CHRNA7: variants seen among roughly 807,000 people sequenced by gnomAD.
CHRNA7 encodes neuronal acetylcholine receptor subunit alpha-7.
Under a neutral mutation model 48.0 loss-of-function variants are expected in CHRNA7, and 17 were observed. The observed-to-expected ratio is 0.35, with a 90% CI of 0.24 to 0.53. The LOEUF (loss-of-function observed/expected upper bound fraction) is 0.53. CHRNA7 is among the 20% of genes least tolerant of loss of function. The probability of loss-of-function intolerance (pLI) is 0.92; values close to 1 mark genes in which losing one functional copy is unlikely to be tolerated. For synonymous variants in CHRNA7, 75 were observed against 242.3 expected (o/e 0.31, Z 6.41); for missense variants, 155 against 577.7 (o/e 0.27, Z 7.50).
intron 2 of CHRNA7, among the ~76,000 whole-genome samples, chr15:32,037,181 A>AAGATGAT (rs1566792942): frequency 1.3e-5 from 2 of 152,298 alleles, no homozygotes; most frequent in South Asian, 2.1e-4. Flanking sequence ...ATTTGTTGAA[A>AAGATGAT]AGATGATCTT....
chr15:32,097,068 C>T (rs376087687), intron 2 of CHRNA7, among the ~76,000 whole-genome samples: 14 of 152,230 alleles, frequency 9.2e-5, no homozygotes, highest in South Asian at 6.2e-4. Context: ...CAGATTGCAG[C>T]ATGCTCCTCC....
chr15:32,078,958 C>G (rs549973041), intron 2 of CHRNA7, among the ~76,000 whole-genome samples: 1 of 152,322 alleles, frequency 6.6e-6, no homozygotes, highest in South Asian at 2.1e-4. Flanking sequence ...CCACCATGAT[C>G]AAGTCAGATT....
At chr15:32,108,324 G>A (rs1182588555) in intron 3 of CHRNA7, among the ~76,000 whole-genome samples, 1 of 152,208 alleles carries the variant, frequency 6.6e-6, no homozygotes, top group Non-Finnish European at 1.5e-5. Context: ...CACAAAAGGA[G>A]GGAGAGAAGG....
chr15:32,052,349 T>C (rs1340626581), intron 2 of CHRNA7, among the ~76,000 whole-genome samples: 1 of 152,086 alleles, frequency 6.6e-6, no homozygotes, highest in Non-Finnish European at 1.5e-5. Flanking sequence ...GCTAAGAAAG[T>C]GGATCTCACG....
At chr15:32,058,694 T>C (rs1327211707) in intron 2 of CHRNA7, among the ~76,000 whole-genome samples, 8 of 152,182 alleles carry the variant, frequency 5.3e-5, no homozygotes, top group African/African-American at 9.7e-5. Context: ...ATTAGTTTCC[T>C]CCTTACTTTA....
chr15:32,137,574 T>C (rs754209549), intron 4 of CHRNA7, among the ~76,000 whole-genome samples: 3 of 152,144 alleles, frequency 2.0e-5, no homozygotes, highest in Admixed American at 6.5e-5. Context: ...GGAAAAAAAA[T>C]GTAAGTATGT....
intron 2 of CHRNA7, among the ~76,000 whole-genome samples, chr15:32,038,433 A>G (rs1004813287): frequency 6.6e-6 from 1 of 152,082 alleles, no homozygotes; most frequent in African/African-American, 2.4e-5. Flanking sequence ...GTAATGGATT[A>G]TATTAATTTT....
intron 3 of CHRNA7, among the ~76,000 whole-genome samples, chr15:32,109,827 C>G (rs1010273988): frequency 6.6e-6 from 1 of 152,056 alleles, no homozygotes; most frequent in Admixed American, 6.6e-5. Flanking sequence ...GTGATCTGGC[C>G]GGGGAGGGGA....
chr15:32,140,067 C>G, intron 4 of CHRNA7, among the ~76,000 whole-genome samples: 1 of 149,262 alleles, frequency 6.7e-6, no homozygotes, highest in African/African-American at 2.5e-5. Flanking sequence ...TGCTATCCCA[C>G]CCCCAGCCCC....
At chr15:32,038,327 A>G (rs2049388311) in intron 2 of CHRNA7, among the ~76,000 whole-genome samples, 1 of 151,774 alleles carries the variant, frequency 6.6e-6, no homozygotes. Context: ...TATTCCGTTT[A>G]CTGAAAGTTT....
chr15:32,070,752 T>C (rs1352331961), intron 2 of CHRNA7, among the ~76,000 whole-genome samples: 1 of 137,918 alleles, frequency 7.3e-6, no homozygotes, highest in Non-Finnish European at 1.5e-5. Context: ...AGTGGCACGA[T>C]CTTGGCTCAC....
chr15:32,082,877 G>T (rs145182083), intron 2 of CHRNA7, among the ~76,000 whole-genome samples: 2,559 of 152,232 alleles, frequency 0.017, 33 homozygotes, highest in Non-Finnish European at 0.029. Flanking sequence ...GCTCATGCCT[G>T]TAATACCAAC....
intron 2 of CHRNA7, among the ~76,000 whole-genome samples, chr15:32,060,965 C>T (rs2049869381): frequency 6.6e-6 from 1 of 152,184 alleles, no homozygotes; most frequent in Admixed American, 6.5e-5. Flanking sequence ...ATATGCAGAG[C>T]TGCCTACCCG....
intron 2 of CHRNA7, chr15:32,099,128 A>G (rs1286521993): frequency 6.6e-6 from 1 of 152,262 alleles, no homozygotes. Flanking sequence ...GATCATATGG[A>G]TGGTCAGAAA....
intron 2 of CHRNA7, among the ~76,000 whole-genome samples, chr15:32,087,324 A>T (rs1189350391): frequency 6.6e-6 from 1 of 151,732 alleles, no homozygotes; most frequent in Non-Finnish European, 1.5e-5. Flanking sequence ...GTGTTATTTT[A>T]TTTTTTTCAC....
intron 4 of CHRNA7, among the ~76,000 whole-genome samples, chr15:32,124,664 GAT>G (rs1302621662): frequency 1.4e-5 from 2 of 143,580 alleles, no homozygotes; most frequent in Non-Finnish European, 3.0e-5. Context: ...CAAAGTCAGA[GAT>G]AAGGCAAAGA....
intron 4 of CHRNA7, among the ~76,000 whole-genome samples, chr15:32,122,750 G>A (rs1173903856): frequency 6.6e-6 from 1 of 151,968 alleles, no homozygotes; most frequent in Non-Finnish European, 1.5e-5. Context: ...AAGTGGGATG[G>A]TTATATTCAT....
At chr15:32,066,739 T>G (rs2049973368) in intron 2 of CHRNA7, among the ~76,000 whole-genome samples, 1 of 152,206 alleles carries the variant, frequency 6.6e-6, no homozygotes, top group East Asian at 1.9e-4. Flanking sequence ...AGCAAAACAC[T>G]TTAAACCAGT....
At chr15:32,059,418 T>G (rs1251455785) in intron 2 of CHRNA7, among the ~76,000 whole-genome samples, 1 of 152,220 alleles carries the variant, frequency 6.6e-6, no homozygotes, top group African/African-American at 2.4e-5. Context: ...TATGTTTTAC[T>G]CCATTGCAGT....
Sources: gnomAD v4.1 joint callset for allele counts (sites outside exome capture counted in the v4.1 genomes callset) on GRCh38, gnomAD v4.1.1 for gene constraint, MANE v1.5 for transcripts, NCBI Gene and HGNC (gene_info 2026-07-23, HGNC 2026-07-21) for gene names.